EDIL3: variants seen among roughly 807,000 people sequenced by gnomAD.
The protein encoded by EDIL3 is EGF-like repeat and discoidin I-like domain-containing protein 3.
Under a neutral mutation model 67.4 loss-of-function variants are expected in EDIL3, and 37 were observed. The observed-to-expected ratio is 0.55, with a 90% CI of 0.42 to 0.72. EDIL3 has a LOEUF of 0.72. Among genes scored for constraint, EDIL3 ranks in the 30% least tolerant of loss-of-function variants. EDIL3 has a pLI of 0.00. For synonymous variants in EDIL3, 195 were observed against 196.3 expected (o/e 0.99, Z 0.05); for missense variants, 527 against 586.3 (o/e 0.90, Z 1.04).
At chr5:84,352,696 A>T (rs535973469) in intron 1 of EDIL3, among the ~76,000 whole-genome samples, 1 of 152,268 alleles carries the variant, frequency 6.6e-6, no homozygotes, top group South Asian at 2.1e-4. Context: ...AGCAATGTAC[A>T]TTATTCAAGT....
chr5:84,149,873 T>G (rs529719344), intron 4 of EDIL3, among the ~76,000 whole-genome samples: 1 of 151,700 alleles, frequency 6.6e-6, no homozygotes, highest in African/African-American at 2.4e-5. Flanking sequence ...TAAAAAAAAA[T>G]TTTAGACGTT....
At chr5:84,356,885 C>CTTTTTTTTT (rs1229298711) in intron 1 of EDIL3, among the ~76,000 whole-genome samples, 8 of 39,354 alleles carry the variant, frequency 2.0e-4, no homozygotes, top group African/African-American at 6.9e-4. Flanking sequence ...AACAATCTTT[C>CTTTTTTTTT]TTTCTTTTTT....
At chr5:84,065,647 A>C (rs964774737) in intron 7 of EDIL3, among the ~76,000 whole-genome samples, 2 of 152,112 alleles carry the variant, frequency 1.3e-5, no homozygotes, top group African/African-American at 2.4e-5. Flanking sequence ...ATCATAAGAA[A>C]AGAAAAGGAA....
chr5:84,071,654 A>T (rs769825812), intron 6 of EDIL3, among the ~76,000 whole-genome samples: 13 of 152,230 alleles, frequency 8.5e-5, no homozygotes, highest in Non-Finnish European at 1.9e-4. Flanking sequence ...AACCCTTTCC[A>T]GAAGGGAAGA....
At chr5:83,974,475 C>A (rs1332266573) in intron 9 of EDIL3, among the ~76,000 whole-genome samples, 1 of 151,058 alleles carries the variant, frequency 6.6e-6, no homozygotes, top group Non-Finnish European at 1.5e-5. Flanking sequence ...CAAAGGATGA[C>A]AATTAAAAAA....
intron 1 of EDIL3, among the ~76,000 whole-genome samples, chr5:84,379,714 T>G (rs1017178158): frequency 6.6e-6 from 1 of 152,242 alleles, no homozygotes; most frequent in Non-Finnish European, 1.5e-5. Flanking sequence ...TGAATGTCTG[T>G]GTTTCCAAGT....
intron 6 of EDIL3, among the ~76,000 whole-genome samples, chr5:84,090,499 TTA>T (rs1747146809): frequency 1.3e-5 from 2 of 152,262 alleles, no homozygotes. Context: ...TATCTGCCCG[TTA>T]TGTGTTCCCC....
chr5:84,268,758 C>T (rs891486991), intron 1 of EDIL3, among the ~76,000 whole-genome samples: 3 of 152,156 alleles, frequency 2.0e-5, no homozygotes, highest in African/African-American at 7.2e-5. Context: ...TTATCAATCA[C>T]CACTTCGTAC....
chr5:84,173,289 C>T (rs890381326), intron 4 of EDIL3, among the ~76,000 whole-genome samples: 10 of 152,012 alleles, frequency 6.6e-5, no homozygotes, highest in African/African-American at 1.9e-4. Flanking sequence ...AGTTGGTGGG[C>T]GGCTTCTGAC....
At chr5:84,345,139 C>T (rs1453235120) in intron 1 of EDIL3, among the ~76,000 whole-genome samples, 1 of 152,116 alleles carries the variant, frequency 6.6e-6, no homozygotes, top group Non-Finnish European at 1.5e-5. Context: ...TGTAACATCT[C>T]CCATTTCACC....
intron 1 of EDIL3, among the ~76,000 whole-genome samples, chr5:84,310,273 T>C (rs1561252965): frequency 6.6e-6 from 1 of 152,172 alleles, no homozygotes; most frequent in African/African-American, 2.4e-5. Flanking sequence ...GAGGTCAGAT[T>C]AGAAATCTTC....
At chr5:84,132,190 G>T (rs555639030) in intron 5 of EDIL3, among the ~76,000 whole-genome samples, 1 of 146,316 alleles carries the variant, frequency 6.8e-6, no homozygotes, top group Non-Finnish European at 1.5e-5. Context: ...AGCCGACATC[G>T]CACTACAGCA....
intron 3 of EDIL3, among the ~76,000 whole-genome samples, chr5:84,207,962 A>G (rs1481358307): frequency 6.6e-6 from 1 of 152,144 alleles, no homozygotes; most frequent in Non-Finnish European, 1.5e-5. Flanking sequence ...AAACCTAGGC[A>G]TTACCATTCA....
chr5:84,182,541 C>T (rs1374275684), intron 3 of EDIL3, among the ~76,000 whole-genome samples: 2 of 151,918 alleles, frequency 1.3e-5, no homozygotes, highest in Non-Finnish European at 2.9e-5. Context: ...GCACTGCAAT[C>T]GGACCTCAAC....
intron 10 of EDIL3, among the ~76,000 whole-genome samples, chr5:83,955,984 G>GATGTTTCCAAATA (rs1380630129): frequency 1.3e-5 from 2 of 151,806 alleles, no homozygotes; most frequent in Non-Finnish European, 2.9e-5. Flanking sequence ...GCTTTCAATT[G>GATGTTTCCAAATA]ATGTTTCCAA....
chr5:84,142,683 AATGTATTTCAACC>A (rs1748220350), intron 4 of EDIL3, among the ~76,000 whole-genome samples: 1 of 152,004 alleles, frequency 6.6e-6, no homozygotes, highest in Non-Finnish European at 1.5e-5. Flanking sequence ...AGACAAAGAC[AATGTATTTCAACC>A]ATAAATCTAT....
intron 1 of EDIL3, among the ~76,000 whole-genome samples, chr5:84,369,245 T>TATATACAC: frequency 6.7e-6 from 1 of 149,970 alleles, no homozygotes; most frequent in Non-Finnish European, 1.5e-5. Context: ...TACACACACA[T>TATATACAC]ATAAATATAC....
chr5:84,014,137 G>A (rs1745561207), intron 9 of EDIL3, among the ~76,000 whole-genome samples: 1 of 151,996 alleles, frequency 6.6e-6, no homozygotes, highest in Non-Finnish European at 1.5e-5. Flanking sequence ...TGCTTAACAG[G>A]ATTTTTCAAT....
At position 84,226,307 on chromosome 5, in the gene EDIL3, GA is replaced by G. The variant is rs541567540; in HGVS notation, c.226+3547del. Among the ~76,000 whole-genome samples the G allele has an allele frequency of 3.7e-3, 555 of 151,604 alleles. 1 individual carries two copies. Among genetic ancestry groups the G allele is most frequent in the African/African-American group, 0.013 (533 of 41,448 alleles). Reference sequence around the variant, plus strand: ...TCTATTGGTGAAAGGAGATGAGAGTGAAAACAGAATATTAATGCTGTAATAA... The same window carrying G: ...TCTATTGGTGAAAGGAGATGAGAGTGAAACAGAATATTAATGCTGTAATAA... On this transcript the variant is annotated intron_variant, in intron 3 of 10. Transcript: ENST00000296591.
Sources: gnomAD v4.1 joint callset for allele counts (sites outside exome capture counted in the v4.1 genomes callset) on GRCh38, gnomAD v4.1.1 for gene constraint, MANE v1.5 for transcripts, NCBI Gene and HGNC (gene_info 2026-07-23, HGNC 2026-07-21) for gene names.